The following TENM3 variants were observed in gnomAD, a reference collection of about 807,000 sequenced individuals.
TENM3 encodes teneurin transmembrane protein 3.
In TENM3, 63 loss-of-function variants were observed where a neutral mutation model predicts 255.1. The observed-to-expected ratio is 0.25, with a 90% CI of 0.20 to 0.30. The LOEUF is 0.30. TENM3 is among the 10% of genes least tolerant of loss of function. The pLI is 1.00. For missense variants in TENM3, 2,929 were observed against 3,461.1 expected, an observed-to-expected ratio of 0.85 and a Z score of 3.86; for synonymous variants, 1,306 against 1,322.3, an observed-to-expected ratio of 0.99 and a Z score of 0.27.
At chr4:181,635,840 C>T in the TENM3 span, among the ~76,000 whole-genome samples, 2 of 152,142 alleles carry the variant, frequency 1.3e-5, no homozygotes, top group African/African-American at 4.8e-5. Flanking sequence ...ACGGGGCTTC[C>T]TCACATAGAT....
At chr4:181,594,918 A>G in the TENM3 span, among the ~76,000 whole-genome samples, 1 of 152,178 alleles carries the variant, frequency 6.6e-6, no homozygotes, top group African/African-American at 2.4e-5. Context: ...CAAAAAATGT[A>G]CATGGCAAAA....
chr4:182,756,725 T>G (rs1762768439), intron 22 of TENM3, among the ~76,000 whole-genome samples: 7 of 152,228 alleles, frequency 4.6e-5, no homozygotes, highest in Admixed American at 4.6e-4. Context: ...GTAGCTTGAA[T>G]TGCTTTTCTT....
At chr4:182,384,139 A>G (rs1473848371) in intron 3 of TENM3, among the ~76,000 whole-genome samples, 1 of 152,162 alleles carries the variant, frequency 6.6e-6, no homozygotes, top group East Asian at 1.9e-4. Flanking sequence ...CTCAATAATG[A>G]TGCTCAGATC....
At chr4:182,141,350 G>A (rs979084509), upstream of TENM3, 1 of 152,280 alleles carries the variant, frequency 6.6e-6, no homozygotes, top group African/African-American at 2.4e-5. Flanking sequence ...CAACAGCTCA[G>A]TGAGGTAAAA....
chr4:182,645,443 G>A (rs1230853201), intron 5 of TENM3, among the ~76,000 whole-genome samples: 1 of 152,128 alleles, frequency 6.6e-6, no homozygotes, highest in Non-Finnish European at 1.5e-5. Flanking sequence ...GGAATACATG[G>A]AGGGAGGCAT....
chr4:182,576,108 G>A (rs922747083), intron 3 of TENM3, among the ~76,000 whole-genome samples: 2 of 152,092 alleles, frequency 1.3e-5, no homozygotes, highest in Non-Finnish European at 2.9e-5. Flanking sequence ...ATATTTATTC[G>A]GTAGATTTTT....
chr4:181,997,607 G>C, the TENM3 span, among the ~76,000 whole-genome samples: 1 of 152,180 alleles, frequency 6.6e-6, no homozygotes, highest in Non-Finnish European at 1.5e-5. Flanking sequence ...TGGTAGTAAA[G>C]AGTAAAGTCA....
chr4:181,988,391 C>T, the TENM3 span, among the ~76,000 whole-genome samples: 9 of 152,150 alleles, frequency 5.9e-5, no homozygotes, highest in East Asian at 1.7e-3. Flanking sequence ...TGGTTATTCG[C>T]CCATTTGGGG....
chr4:182,413,997 G>A (rs1243589107), intron 3 of TENM3, among the ~76,000 whole-genome samples: 2 of 152,136 alleles, frequency 1.3e-5, no homozygotes, highest in Non-Finnish European at 2.9e-5. Context: ...ACTATTGTTG[G>A]AATATGTTAG....
the TENM3 span, chr4:182,085,117 C>T: frequency 6.6e-6 from 1 of 152,188 alleles, no homozygotes; most frequent in African/African-American, 2.4e-5. Flanking sequence ...ATAATGTTGG[C>T]TCTGTGAAAC....
the TENM3 span, among the ~76,000 whole-genome samples, chr4:181,755,006 G>T: frequency 6.6e-6 from 1 of 152,260 alleles, no homozygotes; most frequent in South Asian, 2.1e-4. Context: ...ATGAGGGTTT[G>T]CTGGTTGCCA....
At chr4:182,475,469 A>G (rs1025217989) in intron 3 of TENM3, among the ~76,000 whole-genome samples, 1 of 152,076 alleles carries the variant, frequency 6.6e-6, no homozygotes, top group East Asian at 1.9e-4. Context: ...GACTTGATGG[A>G]AGTTGTAGTG....
intron 3 of TENM3, among the ~76,000 whole-genome samples, chr4:182,535,843 G>A (rs1219817883): frequency 6.6e-6 from 1 of 151,822 alleles, no homozygotes; most frequent in East Asian, 1.9e-4. Context: ...CTACCTCTCA[G>A]GATTAGTGTG....
the TENM3 span, among the ~76,000 whole-genome samples, chr4:181,713,045 T>C: frequency 2.1e-3 from 315 of 152,340 alleles, 1 homozygote; most frequent in African/African-American, 7.4e-3. Context: ...TATTTACTCA[T>C]TGTATTTTTG....
At chr4:182,164,498 C>T (rs141009877) in intron 1 of TENM3, among the ~76,000 whole-genome samples, 116 of 152,320 alleles carry the variant, frequency 7.6e-4, no homozygotes, top group Admixed American at 6.5e-3. Flanking sequence ...TCCATGTTGA[C>T]TTAATTGACA....
At chr4:182,358,961 C>T (rs1765754922) in intron 3 of TENM3, among the ~76,000 whole-genome samples, 2 of 151,902 alleles carry the variant, frequency 1.3e-5, no homozygotes, top group South Asian at 4.2e-4. Flanking sequence ...GCCTTTCCTG[C>T]ATCTATTGAG....
chr4:182,290,742 A>G (rs1761066974), intron 1 of TENM3, among the ~76,000 whole-genome samples: 1 of 151,488 alleles, frequency 6.6e-6, no homozygotes, highest in African/African-American at 2.4e-5. Flanking sequence ...TGACCTCGTG[A>G]TCCGCCTGCC....
At chr4:182,427,304 G>A (rs1771296933) in intron 3 of TENM3, among the ~76,000 whole-genome samples, 2 of 152,120 alleles carry the variant, frequency 1.3e-5, no homozygotes, top group African/African-American at 4.8e-5. Flanking sequence ...ATACAATTCT[G>A]ATTCCAGAAT....
intron 3 of TENM3, among the ~76,000 whole-genome samples, chr4:182,445,171 A>G (rs1772815437): frequency 6.6e-6 from 1 of 152,200 alleles, no homozygotes; most frequent in South Asian, 2.1e-4. Flanking sequence ...GTTAAGCGGC[A>G]GGCTCCTGAG....
Sources: gnomAD v4.1 joint callset for allele counts (sites outside exome capture counted in the v4.1 genomes callset) on GRCh38, gnomAD v4.1.1 for gene constraint, MANE v1.5 for transcripts, NCBI Gene and HGNC (gene_info 2026-07-23, HGNC 2026-07-21) for gene names.